Variants in ALLC observed in about 807,000 individuals in gnomAD.
ALLC encodes the protein probable inactive allantoicase.
Under a neutral mutation model 45.0 loss-of-function variants are expected in ALLC, and 40 were observed. The ratio of observed to expected loss-of-function variants is 0.89; its 90% CI spans 0.69 to 1.16. ALLC has a LOEUF of 1.16. Ranked by LOEUF, ALLC falls within the 50% of genes most tolerant of loss-of-function variation. ALLC has a pLI of 0.00. For missense variants in ALLC, 488 were observed against 493.1 expected (o/e 0.99, Z 0.10); for synonymous variants, 176 against 178.1 (o/e 0.99, Z 0.09).
the ALLC span, among the ~76,000 whole-genome samples, chr2:3,649,152 T>C: frequency 1.3e-5 from 2 of 152,042 alleles, no homozygotes; most frequent in African/African-American, 2.4e-5. Flanking sequence ...AGTTCCACAA[T>C]GGGCGCGTTA....
At chr2:3,691,655 G>A (rs1289423457) in intron 7 of ALLC, among the ~76,000 whole-genome samples, 1 of 152,096 alleles carries the variant, frequency 6.6e-6, no homozygotes, top group African/African-American at 2.4e-5. Flanking sequence ...GGATATTTAT[G>A]TCTTTATCAA....
the ALLC span, among the ~76,000 whole-genome samples, chr2:3,647,333 G>A: frequency 2.6e-5 from 4 of 151,656 alleles, no homozygotes; most frequent in East Asian, 1.9e-4. Flanking sequence ...ATACACACAC[G>A]ATTAAAACGT....
At chr2:3,671,012 C>G (rs910212697) in intron 1 of ALLC, 84 bp from the exon 2 acceptor site, 8 of 765,700 alleles carry the variant, frequency 1.0e-5, no homozygotes, top group Non-Finnish European at 1.7e-5. Flanking sequence ...TTGAAAGTCT[C>G]AAATCTTAGC....
At chr2:3,653,060 G>A in the ALLC span, among the ~76,000 whole-genome samples, 1,134 of 152,350 alleles carry the variant, frequency 7.4e-3, 9 homozygotes, top group East Asian at 0.027. The surrounding 1 kb of genome is among the most constrained non-coding windows in gnomAD (Gnocchi z 4.1). Context: ...AGGCCTGTCT[G>A]CAGCCTGCAG....
intron 6 of ALLC, among the ~76,000 whole-genome samples, chr2:3,682,597 C>T (rs887517253): frequency 6.6e-6 from 1 of 152,210 alleles, no homozygotes; most frequent in South Asian, 2.1e-4. Context: ...GCGATCTCGG[C>T]TCACTGCAAG....
At chr2:3,672,696 G>A (rs1034477574) in intron 2 of ALLC, among the ~76,000 whole-genome samples, 1 of 145,360 alleles carries the variant, frequency 6.9e-6, no homozygotes, top group Non-Finnish European at 1.5e-5. Context: ...TGGTTAGATC[G>A]GAAGTCCTCT....
At chr2:3,664,266 C>G (rs1468477388) in intron 1 of ALLC, among the ~76,000 whole-genome samples, 5 of 152,152 alleles carry the variant, frequency 3.3e-5, no homozygotes, top group African/African-American at 1.2e-4. Context: ...GGCCAATGTG[C>G]CTTTGAAACT....
At chr2:3,694,182 C>T (rs541070312) in intron 7 of ALLC, among the ~76,000 whole-genome samples, 2 of 152,076 alleles carry the variant, frequency 1.3e-5, no homozygotes, top group Non-Finnish European at 2.9e-5. Flanking sequence ...GAGTGGAAGC[C>T]CTGCTTTTCT....
chr2:3,701,701 GA>G (rs1309763843), intron 11 of ALLC, 65 bp downstream of exon 11: 2 of 1,515,992 alleles, frequency 1.3e-6, no homozygotes, highest in Admixed American at 1.9e-5. Context: ...ATTCTCTTTT[GA>G]AGGATTAGGA....
upstream of ALLC, among the ~76,000 whole-genome samples, chr2:3,654,825 G>T (rs1666406944): frequency 6.6e-6 from 1 of 152,248 alleles, no homozygotes; most frequent in East Asian, 1.9e-4. Context: ...TTGCAACTCT[G>T]CCTGGAAGGC....
intron 2 of ALLC, 109 bp downstream of exon 2, chr2:3,671,299 T>C: frequency 7.6e-7 from 1 of 1,308,832 alleles, no homozygotes; most frequent in Admixed American, 2.1e-5. Context: ...CAGGCTGAAG[T>C]GTTGGCCTGC....
chr2:3,661,447 C>T (rs1006265456), intron 1 of ALLC, among the ~76,000 whole-genome samples: 2 of 152,160 alleles, frequency 1.3e-5, no homozygotes, highest in South Asian at 2.1e-4. Context: ...TGCTGTGAAA[C>T]AAGAGGAGCT....
Position 3,694,177 on chromosome 2 carries a change from G to A in ALLC, c.512-1540G>A, listed in dbSNP as rs576743142. On this transcript the variant is annotated intron_variant, in intron 7 of 11. Coordinates refer to ENST00000252505, the MANE Select transcript of ALLC (RefSeq NM_018436.4). ...GAGGGTCTAAAATAGTTTCTGAGTGGAAGCCCTGCTTTTCTGGGTTGAATA... is the reference window on the plus strand; with the variant it reads ...GAGGGTCTAAAATAGTTTCTGAGTGAAAGCCCTGCTTTTCTGGGTTGAATA... Among the ~76,000 whole-genome samples, 6 of 152,284 alleles carry A rather than the reference G, an allele frequency of 3.9e-5. No homozygotes were observed. In the South Asian group the frequency reaches 1.0e-3, roughly 26 times the overall value.
At chr2:3,699,049 T>G (rs1667756780) in intron 10 of ALLC, among the ~76,000 whole-genome samples, 1 of 152,206 alleles carries the variant, frequency 6.6e-6, no homozygotes, top group Admixed American at 6.5e-5. Context: ...TTATTTTAGG[T>G]TCAAGGGTAA....
At chr2:3,651,301 TGGGTGGGTGGGTGGG>T in the ALLC span, among the ~76,000 whole-genome samples, 349 of 7,772 alleles carry the variant, frequency 0.045, 70 homozygotes, top group East Asian at 0.11. Context: ...TCTTTTTGGG[TGGGTGGGTGGGTGGG>T]GGGGGTGTGT....
intron 6 of ALLC, among the ~76,000 whole-genome samples, 174 bp downstream of exon 6, chr2:3,681,887 G>T (rs1195369559): frequency 2.6e-5 from 4 of 152,164 alleles, no homozygotes; most frequent in African/African-American, 9.7e-5. Context: ...TCATCAACCT[G>T]GGAAGAGTGA....
At chr2:3,675,108 T>C (rs1666987912) in intron 3 of ALLC, among the ~76,000 whole-genome samples, 1 of 152,150 alleles carries the variant, frequency 6.6e-6, no homozygotes, top group Non-Finnish European at 1.5e-5. Flanking sequence ...TAGAATGAGG[T>C]AGGCCTGGCA....
At chr2:3,648,218 G>A in the ALLC span, among the ~76,000 whole-genome samples, 1 of 152,190 alleles carries the variant, frequency 6.6e-6, no homozygotes, top group African/African-American at 2.4e-5. Context: ...AAGGAGCAGA[G>A]GTAATTATTT....
At chr2:3,649,392 C>A in the ALLC span, among the ~76,000 whole-genome samples, 1 of 152,148 alleles carries the variant, frequency 6.6e-6, no homozygotes, top group African/African-American at 2.4e-5. Flanking sequence ...CAGGCGCCCG[C>A]CACCACGTCC....
Sources: allele counts gnomAD v4.1 joint callset (sites outside exome capture counted in the v4.1 genomes callset), GRCh38; gene constraint gnomAD v4.1.1; non-coding constraint Gnocchi (gnomAD v3.1); transcripts MANE v1.5; gene names NCBI Gene and HGNC (gene_info 2026-07-23, HGNC 2026-07-21).